The following ZPBP variants were observed in gnomAD, a reference collection of about 807,000 sequenced individuals.
ZPBP encodes the protein zona pellucida-binding protein 1.
In ZPBP, 26 loss-of-function variants were observed where a neutral mutation model predicts 44.8. The ratio of observed to expected loss-of-function variants is 0.58; its 90% CI spans 0.43 to 0.81. The LOEUF is 0.81. Among genes scored for constraint, ZPBP ranks in the 30% least tolerant of loss-of-function variants. ZPBP has a pLI of 0.00. For missense variants in ZPBP, 409 were observed against 434.0 expected, an observed-to-expected ratio of 0.94 and a Z score of 0.51; for synonymous variants, 174 against 153.2, an observed-to-expected ratio of 1.14 and a Z score of -1.00.
At chr7:50,089,463 T>C (rs1192239479) in intron 2 of ZPBP, among the ~76,000 whole-genome samples, 166 bp downstream of exon 2, 1 of 152,104 alleles carries the variant, frequency 6.6e-6, no homozygotes, top group African/African-American at 2.4e-5. Flanking sequence ...GTATTAGAAC[T>C]GGATGAGTCT....
chr7:49,848,136 C>T (rs1361974935), downstream of ZPBP, among the ~76,000 whole-genome samples: 1 of 152,096 alleles, frequency 6.6e-6, no homozygotes, highest in Admixed American at 6.5e-5. Flanking sequence ...AGTGGGATGC[C>T]CTGTCTAACC....
In ZPBP at chr7:50,093,122, G is replaced by C; in HGVS notation, c.73C>G (p.Arg25Gly). The change falls in exon 1 of 8, where the codon CGG (arginine) becomes GGG (glycine). Residue 25 changes from arginine to glycine, a missense_variant. By Grantham distance (125) the Arg-to-Gly change is moderately radical. This residue lies in a region of ZPBP where 367 missense variants were observed against 363.1 expected (regional missense o/e 1.01). Transcript: ENST00000046087. ...GAGATAAAGAGGAGGATGGCGGCCC[G>C]AGAGAGCAGGGAGCCGGCGGCCCGG... ...RTRAAGSLLS[R>G]AAILLFISAF... 2 of 1,578,414 alleles carry C rather than the reference G, an allele frequency of 1.3e-6. No homozygotes were observed. The highest frequency in any genetic ancestry group is 1.4e-5 in the African/African-American group (1 of 73,732).
chr7:50,012,624 A>T (rs1798638626), intron 6 of ZPBP, among the ~76,000 whole-genome samples: 1 of 150,768 alleles, frequency 6.6e-6, no homozygotes, highest in East Asian at 1.9e-4. Context: ...GTAATCTCCC[A>T]GTAAATTGGG....
chr7:49,884,288 C>T (rs1791802939), intron 2 of ZPBP, among the ~76,000 whole-genome samples: 1 of 152,200 alleles, frequency 6.6e-6, no homozygotes, highest in African/African-American at 2.4e-5. Flanking sequence ...AGGGGTTCCC[C>T]CTAGGTCCTC....
intron 6 of ZPBP, among the ~76,000 whole-genome samples, chr7:50,005,823 ATGTG>A (rs71018444): frequency 0.03 from 4,346 of 144,800 alleles, 141 homozygotes; most frequent in East Asian, 0.18. Flanking sequence ...ATAACTATAT[ATGTG>A]TGTGTGTGTG....
chr7:50,015,951 T>C (rs1798800377), intron 6 of ZPBP, among the ~76,000 whole-genome samples: 1 of 152,180 alleles, frequency 6.6e-6, no homozygotes, highest in Non-Finnish European at 1.5e-5. Flanking sequence ...AGAACACTTC[T>C]ATACTGCTGG....
intron 2 of ZPBP, among the ~76,000 whole-genome samples, chr7:49,868,387 A>G (rs1271286141): frequency 6.6e-6 from 1 of 152,216 alleles, no homozygotes. Context: ...TAAATCAGTG[A>G]TGATACATTT....
chr7:49,861,198 C>A (rs1312709862), intron 2 of ZPBP, among the ~76,000 whole-genome samples: 1 of 152,154 alleles, frequency 6.6e-6, no homozygotes, highest in African/African-American at 2.4e-5. Context: ...ATTGCTATAA[C>A]CATCTTAGTA....
chr7:49,992,129 G>A (rs1287766727), intron 6 of ZPBP, among the ~76,000 whole-genome samples: 1 of 152,080 alleles, frequency 6.6e-6, no homozygotes, highest in African/African-American at 2.4e-5. Flanking sequence ...AGAGAGGTTG[G>A]AGGAGGAAAA....
At chr7:50,081,503 T>C (rs1279684137) in intron 3 of ZPBP, among the ~76,000 whole-genome samples, 4 of 151,730 alleles carry the variant, frequency 2.6e-5, no homozygotes, top group Non-Finnish European at 5.9e-5. Context: ...ATACAAACAG[T>C]ATTTTTTAAG....
At chr7:49,882,698 A>G (rs1291558690) in intron 2 of ZPBP, among the ~76,000 whole-genome samples, 4 of 152,186 alleles carry the variant, frequency 2.6e-5, no homozygotes, top group Non-Finnish European at 5.9e-5. Flanking sequence ...TCTGGGTGTC[A>G]ATTGAAGAGA....
chr7:50,079,885 T>C lies in ZPBP; in HGVS notation c.334+1889A>G, dbSNP rs148723773. On this transcript the variant is annotated intron_variant, in intron 3 of 7. Transcript: ENST00000046087. ...CATCAGAACAGTATTAGGGTCAGAG[T>C]GGGAGGTACAGAACTTGTTGCAATA... Among the ~76,000 whole-genome samples the C allele has an allele frequency of 3.8e-4, 57 of 151,486 alleles. No individual in the cohort carries two copies. In the South Asian group the frequency reaches 6.0e-3, roughly 16 times the overall value.
intron 1 of ZPBP, among the ~76,000 whole-genome samples, chr7:49,901,925 G>C (rs1017135752): frequency 1.4e-5 from 2 of 138,696 alleles, no homozygotes; most frequent in Admixed American, 8.7e-5. Context: ...AGTAAACATA[G>C]TACAATGGAA....
intron 2 of ZPBP, 60 bp downstream of exon 2, chr7:50,089,569 G>A: frequency 7.9e-7 from 1 of 1,265,684 alleles, no homozygotes. Context: ...GGAGAAGACT[G>A]ATAAATTTAA....
chr7:49,901,042 G>A (rs979433555), intron 2 of ZPBP: 1 of 151,624 alleles, frequency 6.6e-6, no homozygotes, highest in Admixed American at 6.6e-5. Context: ...TTTATGATAA[G>A]GTAAACTAGG....
chr7:49,854,199 G>C (rs190242896), intron 2 of ZPBP, among the ~76,000 whole-genome samples: 1 of 152,294 alleles, frequency 6.6e-6, no homozygotes, highest in African/African-American at 2.4e-5. Context: ...CTTTATAGCA[G>C]CATGATTTAT....
intron 7 of ZPBP, among the ~76,000 whole-genome samples, chr7:49,968,215 T>C (rs2046299): frequency 0.78 from 118,331 of 151,866 alleles, 46,299 homozygotes; most frequent in East Asian, 0.89. Flanking sequence ...ATGTGTGTGA[T>C]CTCTAGACTA....
At chr7:49,976,378 G>C (rs1231119481) in intron 7 of ZPBP, among the ~76,000 whole-genome samples, 1 of 151,966 alleles carries the variant, frequency 6.6e-6, no homozygotes, top group African/African-American at 2.4e-5. Context: ...ATGTCTAATG[G>C]TGTTTTGATT....
At chr7:50,020,602 T>A (rs947701256) in intron 5 of ZPBP, among the ~76,000 whole-genome samples, 2 of 152,250 alleles carry the variant, frequency 1.3e-5, no homozygotes, top group East Asian at 3.9e-4. Context: ...GCTAGTTGAC[T>A]AACCTCATCC....
Sources: gnomAD v4.1 joint callset for allele counts (sites outside exome capture counted in the v4.1 genomes callset) on GRCh38, gnomAD v4.1.1 for gene constraint, gnomAD v4.1.1 regional missense constraint, MANE v1.5 for transcripts, NCBI Gene and HGNC (gene_info 2026-07-23, HGNC 2026-07-21) for gene names.